The following GNAT3 variants were observed in gnomAD, a reference collection of about 807,000 sequenced individuals.
GNAT3 encodes guanine nucleotide-binding protein G(t) subunit alpha-3.
Under a neutral mutation model 37.7 loss-of-function variants are expected in GNAT3, and 31 were observed. That is an observed-to-expected ratio of 0.82 (90% CI 0.62 to 1.11). The LOEUF is 1.11. GNAT3 is among the 50% of genes most tolerant of loss of function. GNAT3 has a pLI of 0.00. For synonymous variants in GNAT3, 138 were observed against 139.8 expected (o/e 0.99, Z 0.09); for missense variants, 437 against 412.5 (o/e 1.06, Z -0.51).
chr7:80,496,078 T>A lies in GNAT3; in HGVS notation c.119-1431A>T, dbSNP rs371209957. Among the ~76,000 whole-genome samples, 78 of 152,322 alleles carry A rather than the reference T, an allele frequency of 5.1e-4. 1 individual carries two copies. The highest frequency in any genetic ancestry group is 1.6e-3 in the African/African-American group (65 of 41,584). ...TCCCATTGGCCTATTTTTGTTTTTGTTACACTTGCTTTTGAAGTCTTAGTC... is the reference window on the plus strand; with the variant it reads ...TCCCATTGGCCTATTTTTGTTTTTGATACACTTGCTTTTGAAGTCTTAGTC... On this transcript the variant is annotated intron_variant, in intron 1 of 7. Transcript: ENST00000398291.
chr7:80,501,919 CTAAG>C (rs1212769843), intron 1 of GNAT3, among the ~76,000 whole-genome samples: 2 of 151,938 alleles, frequency 1.3e-5, no homozygotes, highest in African/African-American at 4.8e-5. Context: ...ATCAGCCAAA[CTAAG>C]TATGTTTCAT....
chr7:80,459,583 T>G (rs1360850663), intron 7 of GNAT3, among the ~76,000 whole-genome samples: 1 of 152,170 alleles, frequency 6.6e-6, no homozygotes, highest in African/African-American at 2.4e-5. Flanking sequence ...AATAGCAGGA[T>G]GTGCAATGAA....
intron 5 of GNAT3, among the ~76,000 whole-genome samples, chr7:80,473,713 C>T (rs896448101): frequency 2.0e-5 from 3 of 151,922 alleles, no homozygotes; most frequent in African/African-American, 7.3e-5. Flanking sequence ...AGGAAGCTCT[C>T]GATAATATAA....
rs55901024 is a variant in GNAT3, at chr7:80,508,272, C to CA, written c.118+3536dup. 7.5e-3 allele frequency among the ~76,000 whole-genome samples: 1,102 copies of CA among 146,902 alleles called. 11 individuals carry two copies. Among genetic ancestry groups the CA allele is most frequent in the African/African-American group, 0.026 (1,037 of 40,522 alleles). On this transcript the variant is annotated intron_variant, in intron 1 of 7. Coordinates refer to ENST00000398291, the MANE Select transcript of GNAT3 (RefSeq NM_001102386.3). The stretch of plus-strand genomic sequence containing the variant: ...AAGCAGCCCATGTGATGGAAATTTG[C>CA]AAAAAAAACAAACGAAACTGATGCA...
intron 2 of GNAT3, among the ~76,000 whole-genome samples, chr7:80,489,689 G>T (rs1411632067): frequency 3.3e-5 from 5 of 151,930 alleles, no homozygotes; most frequent in Non-Finnish European, 7.4e-5. Flanking sequence ...CTTTAAACAT[G>T]GTCATGTTTG....
chr7:80,472,481 G>A (rs1245795826), intron 5 of GNAT3, among the ~76,000 whole-genome samples: 1 of 152,166 alleles, frequency 6.6e-6, no homozygotes, highest in East Asian at 1.9e-4. Flanking sequence ...TCATAAGAAG[G>A]AGATGTTTCT....
intron 5 of GNAT3, among the ~76,000 whole-genome samples, chr7:80,465,375 T>C (rs1252280263): frequency 6.6e-6 from 1 of 152,156 alleles, no homozygotes; most frequent in Non-Finnish European, 1.5e-5. Flanking sequence ...TTGTCGGGTA[T>C]ATAAGCACCT....
At chr7:80,489,740 T>G (rs1439583092) in intron 2 of GNAT3, among the ~76,000 whole-genome samples, 1 of 152,078 alleles carries the variant, frequency 6.6e-6, no homozygotes, top group East Asian at 1.9e-4. Context: ...CATAAGTAAA[T>G]AAAATAGACA....
At chr7:80,510,564 G>T (rs1372593879) in intron 1 of GNAT3, among the ~76,000 whole-genome samples, 1 of 152,044 alleles carries the variant, frequency 6.6e-6, no homozygotes, top group Non-Finnish European at 1.5e-5. Flanking sequence ...GAAACTAACA[G>T]AATTCTATGG....
In GNAT3 at chr7:80,511,596, C is replaced by T. The variant is rs369152564; in HGVS notation, c.118+213G>A. On this transcript the variant is annotated intron_variant, in intron 1 of 7. Transcript: ENST00000398291. ...AGAGAAATTAGCTGATAAATATTTG[C>T]CTCCTTGCTTAACAAAAAGGTAATA... Among the ~76,000 whole-genome samples, 39 of 151,854 alleles carry T rather than the reference C, an allele frequency of 2.6e-4. 3 individuals are homozygous for T. In the South Asian group the frequency reaches 4.8e-3, roughly 19 times the overall value.
chr7:80,481,571 C>A (rs1367000585), intron 3 of GNAT3, among the ~76,000 whole-genome samples: 2 of 152,000 alleles, frequency 1.3e-5, no homozygotes, highest in East Asian at 3.9e-4. Flanking sequence ...ATTTTTTTGG[C>A]ATATATAAAA....
chr7:80,493,051 T>C (rs1203375565), intron 2 of GNAT3, among the ~76,000 whole-genome samples: 1 of 152,072 alleles, frequency 6.6e-6, no homozygotes, highest in East Asian at 1.9e-4. Context: ...TCACCAGTTA[T>C]TTATCATATT....
intron 4 of GNAT3, 131 bp downstream of exon 4, chr7:80,478,710 T>C (rs1790343401): frequency 1.1e-6 from 1 of 874,272 alleles, no homozygotes; most frequent in Middle Eastern, 3.2e-4. Context: ...TAATTGCTTT[T>C]TATTTTACTC....
At chr7:80,462,097 G>T in intron 7 of GNAT3, 62 bp downstream of exon 7, 2 of 1,054,864 alleles carry the variant, frequency 1.9e-6, no homozygotes, top group Non-Finnish European at 2.7e-6. Context: ...TCAAGATCCA[G>T]ATAGGAAATA....
intron 4 of GNAT3, among the ~76,000 whole-genome samples, chr7:80,476,591 G>A (rs1790306142): frequency 6.6e-6 from 1 of 150,842 alleles, no homozygotes; most frequent in African/African-American, 2.4e-5. Context: ...TCACTTTTTT[G>A]TTAGCCTTAA....
intron 1 of GNAT3, among the ~76,000 whole-genome samples, chr7:80,497,310 C>A (rs917110987): frequency 2.0e-5 from 3 of 151,922 alleles, no homozygotes; most frequent in Non-Finnish European, 4.4e-5. Context: ...GCAACTCATT[C>A]AAAAATGAAT....
chr7:80,506,241 G>A (rs1156608927), intron 1 of GNAT3, among the ~76,000 whole-genome samples: 1 of 152,288 alleles, frequency 6.6e-6, no homozygotes, highest in South Asian at 2.1e-4. Flanking sequence ...ACTGTAGTTA[G>A]CAAGAGTCAT....
intron 1 of GNAT3, among the ~76,000 whole-genome samples, chr7:80,505,448 G>C (rs1790916447): frequency 6.6e-6 from 1 of 152,098 alleles, no homozygotes; most frequent in South Asian, 2.1e-4. Flanking sequence ...CTCACTGCAA[G>C]CTCCGCCTCC....
At chr7:80,487,264 G>A (rs1355747274) in intron 3 of GNAT3, among the ~76,000 whole-genome samples, 1 of 152,088 alleles carries the variant, frequency 6.6e-6, no homozygotes. Context: ...AAGTCAGAGA[G>A]AGATAAAGAA....
Sources: allele counts gnomAD v4.1 joint callset (sites outside exome capture counted in the v4.1 genomes callset), GRCh38; gene constraint gnomAD v4.1.1; transcripts MANE v1.5; gene names NCBI Gene and HGNC (gene_info 2026-07-23, HGNC 2026-07-21).